PTPRM: variants seen among roughly 807,000 people sequenced by gnomAD.
PTPRM encodes receptor-type tyrosine-protein phosphatase mu.
PTPRM carries 47 observed loss-of-function variants against 186.7 expected under a neutral mutation model. The ratio of observed to expected loss-of-function variants is 0.25; its 90% CI spans 0.20 to 0.32. The LOEUF (loss-of-function observed/expected upper bound fraction) is 0.32. Ranked by LOEUF, PTPRM falls within the 10% of genes least tolerant of loss-of-function variation. The pLI, the probability that PTPRM is intolerant of heterozygous loss-of-function variation, is 1.00. For missense variants in PTPRM, 1,494 were observed against 1,865.0 expected (o/e 0.80, Z 3.66); for synonymous variants, 668 against 674.9 (o/e 0.99, Z 0.16).
At chr18:8,064,132 G>A (rs2088858753) in intron 7 of PTPRM, among the ~76,000 whole-genome samples, 1 of 152,078 alleles carries the variant, frequency 6.6e-6, no homozygotes, top group Non-Finnish European at 1.5e-5. Context: ...TAAATGATTA[G>A]TTTTTTAAAT....
chr18:7,821,053 C>A (rs74529469), intron 2 of PTPRM, among the ~76,000 whole-genome samples: 4,322 of 152,198 alleles, frequency 0.028, 199 homozygotes, highest in African/African-American at 0.098. Flanking sequence ...TCTTCTGTAA[C>A]CTGAATTCAA....
At position 8,225,705 on chromosome 18, in the gene PTPRM, T is replaced by A. The variant is rs115480962; in HGVS notation, c.2301-18353T>A. Among the ~76,000 whole-genome samples the A allele has an allele frequency of 3.7e-3, 556 of 152,262 alleles. 5 individuals carry two copies. Among genetic ancestry groups the A allele is most frequent in the African/African-American group, 0.013 (526 of 41,548 alleles). The stretch of plus-strand genomic sequence containing the variant: ...GTGTTCACTAAGCAGAGAAAGACCA[T>A]TGGTAAATAGTGAAATATAAGAGAA... On this transcript the variant is annotated intron_variant, in intron 14 of 32. Transcript: ENST00000580170.
intron 14 of PTPRM, among the ~76,000 whole-genome samples, chr18:8,179,762 C>T (rs992829954): frequency 2.6e-5 from 4 of 152,110 alleles, no homozygotes; most frequent in Non-Finnish European, 4.4e-5. Context: ...GCCACTGTGC[C>T]CGGCCTAAAT....
intron 4 of PTPRM, among the ~76,000 whole-genome samples, chr18:7,910,397 TATTGAAAATGA>T (rs1274126940): frequency 6.6e-6 from 1 of 152,194 alleles, no homozygotes; most frequent in Non-Finnish European, 1.5e-5. Flanking sequence ...AGCAGAGATT[TATTGAAAATGA>T]AAAATACACT....
chr18:8,236,950 G>A (rs1021140698), intron 14 of PTPRM, among the ~76,000 whole-genome samples: 22 of 151,950 alleles, frequency 1.4e-4, no homozygotes, highest in African/African-American at 5.3e-4. Context: ...CTTTGTTCCT[G>A]TTCTTTTACT....
intron 1 of PTPRM, among the ~76,000 whole-genome samples, chr18:7,736,645 A>T (rs2040776451): frequency 6.6e-6 from 1 of 152,212 alleles, no homozygotes; most frequent in Admixed American, 6.5e-5. Context: ...TGATTTGAGC[A>T]AGCAAGGGGT....
chr18:8,105,175 A>G (rs2091460671), intron 11 of PTPRM, among the ~76,000 whole-genome samples: 1 of 152,184 alleles, frequency 6.6e-6, no homozygotes, highest in African/African-American at 2.4e-5. Context: ...CCTGCTTTTT[A>G]TAGAATTTGT....
intron 24 of PTPRM, among the ~76,000 whole-genome samples, chr18:8,373,723 A>G (rs1240201464): frequency 3.3e-5 from 5 of 152,162 alleles, no homozygotes; most frequent in African/African-American, 1.2e-4. Context: ...GACTTGGATC[A>G]AAATTAAGTG....
At chr18:8,034,642 C>T (rs1370033391) in intron 7 of PTPRM, among the ~76,000 whole-genome samples, 1 of 152,158 alleles carries the variant, frequency 6.6e-6, no homozygotes, top group African/African-American at 2.4e-5. Context: ...CTCTGTGGCC[C>T]AGTGCTCCAC....
At chr18:8,201,539 G>GC (rs2093856982) in intron 14 of PTPRM, among the ~76,000 whole-genome samples, 1 of 152,060 alleles carries the variant, frequency 6.6e-6, no homozygotes, top group Non-Finnish European at 1.5e-5. Context: ...AACAAAATAC[G>GC]ATAGACTGGG....
intron 1 of PTPRM, among the ~76,000 whole-genome samples, chr18:7,654,860 G>A (rs775399512): frequency 6.6e-6 from 1 of 152,202 alleles, no homozygotes; most frequent in Non-Finnish European, 1.5e-5. Context: ...TAGCCCTGTA[G>A]TATAGTTTGA....
chr18:7,614,912 G>C (rs73939304), intron 1 of PTPRM, among the ~76,000 whole-genome samples: 2,312 of 152,216 alleles, frequency 0.015, 68 homozygotes, highest in African/African-American at 0.053. Flanking sequence ...TAAGAGAGAT[G>C]ATCAGTTTTT....
intron 2 of PTPRM, among the ~76,000 whole-genome samples, chr18:7,803,868 C>T (rs1006958835): frequency 7.2e-5 from 11 of 151,986 alleles, no homozygotes; most frequent in African/African-American, 1.5e-4. Context: ...TTAGAATTAT[C>T]GGAGCTTAAC....
At chr18:7,788,432 G>A (rs1349557520) in intron 2 of PTPRM, among the ~76,000 whole-genome samples, 3 of 152,232 alleles carry the variant, frequency 2.0e-5, no homozygotes, top group African/African-American at 7.2e-5. Flanking sequence ...CTTAGAATTA[G>A]GTGTAGGCTT....
intron 7 of PTPRM, among the ~76,000 whole-genome samples, chr18:7,974,154 A>G (rs1487778185): frequency 6.6e-6 from 1 of 152,212 alleles, no homozygotes; most frequent in South Asian, 2.1e-4. Context: ...GGCAGCTGCT[A>G]TGAAAGCCGA....
At chr18:8,123,365 T>G (rs2092241598) in intron 13 of PTPRM, among the ~76,000 whole-genome samples, 3 of 152,246 alleles carry the variant, frequency 2.0e-5, no homozygotes. Context: ...TGGTAAAGCT[T>G]AACTCATGGT....
At chr18:8,353,054 G>T (rs74859588) in intron 23 of PTPRM, among the ~76,000 whole-genome samples, 5,148 of 152,226 alleles carry the variant, frequency 0.034, 475 homozygotes, top group Admixed American at 0.19. Flanking sequence ...CACCTGGGTT[G>T]ATTCCATGTC....
At chr18:7,778,296 G>A (rs1472304454) in intron 2 of PTPRM, among the ~76,000 whole-genome samples, 2 of 151,946 alleles carry the variant, frequency 1.3e-5, no homozygotes, top group Non-Finnish European at 2.9e-5. Flanking sequence ...TATTTCAAGT[G>A]AACATTCATG....
chr18:7,789,580 G>C (rs2043241635), intron 2 of PTPRM, among the ~76,000 whole-genome samples: 1 of 152,146 alleles, frequency 6.6e-6, no homozygotes, highest in African/African-American at 2.4e-5. Flanking sequence ...ACTCACTTAA[G>C]AAAGGGCTTG....
Sources: allele counts gnomAD v4.1 joint callset (sites outside exome capture counted in the v4.1 genomes callset), GRCh38; gene constraint gnomAD v4.1.1; transcripts MANE v1.5; gene names NCBI Gene and HGNC (gene_info 2026-07-23, HGNC 2026-07-21).